HMBOX1: variants seen among roughly 807,000 people sequenced by gnomAD.
HMBOX1 encodes homeobox-containing protein 1.
Under a neutral mutation model 54.5 loss-of-function variants are expected in HMBOX1, and 14 were observed. That is an observed-to-expected ratio of 0.26 (90% CI 0.17 to 0.40). HMBOX1 has a LOEUF of 0.40. HMBOX1 is among the 10% of genes least tolerant of loss of function. The pLI, the probability that HMBOX1 is intolerant of heterozygous loss-of-function variation, is 1.00. For synonymous variants in HMBOX1, 160 were observed against 181.0 expected (o/e 0.88, Z 0.93); for missense variants, 332 against 514.4 (o/e 0.65, Z 3.43).
intron 1 of HMBOX1, among the ~76,000 whole-genome samples, chr8:28,935,904 T>A (rs982087785): frequency 1.3e-5 from 2 of 152,110 alleles, no homozygotes; most frequent in Admixed American, 1.3e-4. Context: ...AATTAGTGTT[T>A]TGTTATTTTC....
At chr8:28,934,959 A>G (rs953128544) in intron 1 of HMBOX1, among the ~76,000 whole-genome samples, 5 of 151,628 alleles carry the variant, frequency 3.3e-5, no homozygotes, top group Admixed American at 1.3e-4. Context: ...AATCATTTTT[A>G]GTTCTGTACA....
At chr8:29,032,839 GT>G (rs1479527827) in intron 6 of HMBOX1, among the ~76,000 whole-genome samples, 1 of 152,132 alleles carries the variant, frequency 6.6e-6, no homozygotes, top group African/African-American at 2.4e-5. Flanking sequence ...CACCGTACAT[GT>G]TAGACTCAAG....
chr8:29,015,806 T>A (rs1366881716), intron 5 of HMBOX1, among the ~76,000 whole-genome samples: 1 of 152,246 alleles, frequency 6.6e-6, no homozygotes, highest in Non-Finnish European at 1.5e-5. Context: ...GCAGGTTATA[T>A]GATCTCTATC....
chr8:28,893,414 C>T (rs758829706), intron 1 of HMBOX1, among the ~76,000 whole-genome samples: 1 of 152,100 alleles, frequency 6.6e-6, no homozygotes, highest in African/African-American at 2.4e-5. Context: ...AAAGATGTTG[C>T]CTGTATTATG....
At chr8:29,030,289 C>G (rs913778169) in intron 6 of HMBOX1, among the ~76,000 whole-genome samples, 1 of 151,616 alleles carries the variant, frequency 6.6e-6, no homozygotes, top group Non-Finnish European at 1.5e-5. Context: ...GTGATCTCAG[C>G]TCACTGCAAC....
In HMBOX1 at chr8:28,970,123, G is replaced by T. The variant is rs528996837; in HGVS notation, c.104G>T (p.Arg35Leu). 2 of 1,613,980 alleles carry T rather than the reference G, an allele frequency of 1.2e-6. No homozygotes were observed. The highest frequency in any genetic ancestry group is 3.3e-5 in the Admixed American group (2 of 59,998). Residue 35 changes from arginine (R) to leucine (L), a missense_variant, in exon 3 of 10, where the codon CGT (arginine) becomes CTT (leucine). By Grantham distance (102) the Arg-to-Leu change is moderately radical. Around this residue, in one of 4 missense-constraint regions of HMBOX1, gnomAD observed 146 missense variants for 173.3 expected, o/e 0.84. Transcript: ENST00000287701. This position sits in a 1 kb window ranked among gnomAD's most constrained non-coding sequence, Gnocchi z 4.3. ...EQIDLLQRLR[R>L]TGMTKHEILH... The stretch of plus-strand genomic sequence containing the variant: ...ATAGATCTGCTTCAGCGACTTCGGC[G>T]TACTGGAATGACTAAACATGAAATT...
rs73556608 is a variant in HMBOX1 at position 28,937,890 on chromosome 8, T to A, written c.-57-25921T>A. Among the ~76,000 whole-genome samples, 787 of 152,308 alleles carry A rather than the reference T, an allele frequency of 5.2e-3. 4 individuals are homozygous for A. The highest frequency in any genetic ancestry group is 0.017 in the African/African-American group (693 of 41,558). On this transcript the variant is annotated intron_variant, in intron 1 of 9. Coordinates refer to ENST00000287701, the MANE Select transcript of HMBOX1 (RefSeq NM_001135726.3). ...CTCTGTATATTATGATACTTAGTTT[T>A]TTCTCCCTTATCCATAATTTTTTTT...
intron 1 of HMBOX1, among the ~76,000 whole-genome samples, chr8:28,958,287 T>C (rs964171586): frequency 2.0e-5 from 3 of 152,118 alleles, no homozygotes; most frequent in African/African-American, 7.2e-5. Flanking sequence ...TTTTTAAAAA[T>C]ATAATTGCTT....
chr8:29,015,051 TCTTC>T (rs1334842885), intron 5 of HMBOX1, among the ~76,000 whole-genome samples: 1 of 152,166 alleles, frequency 6.6e-6, no homozygotes, highest in African/African-American at 2.4e-5. Context: ...TCTTCTCCCC[TCTTC>T]CTTTTCCTTC....
intron 1 of HMBOX1, among the ~76,000 whole-genome samples, chr8:28,903,940 T>A (rs1369727375): frequency 6.6e-6 from 1 of 152,162 alleles, no homozygotes; most frequent in Non-Finnish European, 1.5e-5. Context: ...TGCCATGTAG[T>A]GGGTAATAGC....
chr8:28,948,874 A>G (rs1822937178), intron 1 of HMBOX1, among the ~76,000 whole-genome samples: 1 of 152,144 alleles, frequency 6.6e-6, no homozygotes, highest in Non-Finnish European at 1.5e-5. Flanking sequence ...GGGGTAAGGG[A>G]AATGCAAAAT....
intron 4 of HMBOX1, among the ~76,000 whole-genome samples, chr8:28,991,997 A>C (rs1204987635): frequency 6.6e-6 from 1 of 152,240 alleles, no homozygotes; most frequent in Admixed American, 6.5e-5. Context: ...GAGAAAACCC[A>C]GGCTTAAGGG....
At chr8:29,007,717 T>C (rs999821092) in intron 4 of HMBOX1, among the ~76,000 whole-genome samples, 3 of 151,854 alleles carry the variant, frequency 2.0e-5, no homozygotes, top group Non-Finnish European at 2.9e-5. Context: ...CCTGTAATCC[T>C]AGCACTTTGG....
intron 6 of HMBOX1, among the ~76,000 whole-genome samples, chr8:29,034,077 G>T (rs1803446695): frequency 6.6e-6 from 1 of 152,168 alleles, no homozygotes; most frequent in Non-Finnish European, 1.5e-5. Context: ...AATCATTATT[G>T]TTATACTAAA....
chr8:28,964,340 G>T (rs1826093990), intron 2 of HMBOX1, among the ~76,000 whole-genome samples: 1 of 152,084 alleles, frequency 6.6e-6, no homozygotes, highest in African/African-American at 2.4e-5. Context: ...CCTGCTGGGG[G>T]CATGATGATG....
chr8:29,029,525 C>G (rs1802582607), intron 6 of HMBOX1, among the ~76,000 whole-genome samples: 1 of 152,150 alleles, frequency 6.6e-6, no homozygotes, highest in Non-Finnish European at 1.5e-5. Flanking sequence ...AAGCTGAGAG[C>G]CTTCGTTTGA....
chr8:29,038,459 G>A (rs1586647306), intron 6 of HMBOX1, among the ~76,000 whole-genome samples: 1 of 152,008 alleles, frequency 6.6e-6, no homozygotes, highest in Non-Finnish European at 1.5e-5. Flanking sequence ...CATTTTATAT[G>A]GACTAGAAGT....
At chr8:28,926,435 G>A (rs1185095615) in intron 1 of HMBOX1, among the ~76,000 whole-genome samples, 1 of 152,120 alleles carries the variant, frequency 6.6e-6, no homozygotes. Flanking sequence ...GAATACTTCT[G>A]CCAGAAAAAA....
At chr8:28,949,507 A>G (rs1823028472) in intron 1 of HMBOX1, among the ~76,000 whole-genome samples, 1 of 152,228 alleles carries the variant, frequency 6.6e-6, no homozygotes, top group Non-Finnish European at 1.5e-5. Flanking sequence ...ATTCTTATTA[A>G]TTATCTTGGA....
Sources: gnomAD v4.1 joint callset for allele counts (sites outside exome capture counted in the v4.1 genomes callset) on GRCh38, gnomAD v4.1.1 for gene constraint, gnomAD v4.1.1 regional missense constraint, Gnocchi (gnomAD v3.1) non-coding constraint, MANE v1.5 for transcripts, NCBI Gene and HGNC (gene_info 2026-07-23, HGNC 2026-07-21) for gene names.